Variants in XNDC1N observed in about 807,000 individuals in gnomAD.
The protein encoded by XNDC1N is protein XNDC1N.
the XNDC1N span, among the ~76,000 whole-genome samples, chr11:71,911,355 G>A: frequency 1.3e-5 from 2 of 152,200 alleles, no homozygotes; most frequent in African/African-American, 4.8e-5. Context: ...GCCCTGTCGA[G>A]CCTGATTGTG....
chr11:71,888,745 C>G, the XNDC1N span, among the ~76,000 whole-genome samples: 5 of 152,184 alleles, frequency 3.3e-5, no homozygotes, highest in Non-Finnish European at 4.4e-5. Flanking sequence ...CCCGTGCTGT[C>G]GTGACTTTAA....
the XNDC1N span, among the ~76,000 whole-genome samples, chr11:71,922,694 A>G: frequency 3.3e-5 from 5 of 152,202 alleles, no homozygotes; most frequent in African/African-American, 9.6e-5. Context: ...TCATCATGCA[A>G]ATAATATTGC....
chr11:71,919,929 C>CTTCTT, the XNDC1N span, among the ~76,000 whole-genome samples: 26 of 26,630 alleles, frequency 9.8e-4, no homozygotes, highest in East Asian at 2.5e-3. Context: ...AAGCAGGCCT[C>CTTCTT]TTTTTTTTTT....
At chr11:71,928,369 G>A in the XNDC1N span, 1 of 672,190 alleles carries the variant, frequency 1.5e-6, no homozygotes, top group Non-Finnish European at 2.7e-6. Context: ...CCTCACCCGG[G>A]ACCGTGGACC....
the XNDC1N span, among the ~76,000 whole-genome samples, chr11:71,889,889 C>A: frequency 2.0e-5 from 3 of 152,146 alleles, no homozygotes; most frequent in African/African-American, 7.2e-5. Flanking sequence ...ACAGAGAAAT[C>A]TCGTGAAGTA....
chr11:71,909,863 C>T, the XNDC1N span, among the ~76,000 whole-genome samples: 1 of 152,150 alleles, frequency 6.6e-6, no homozygotes, highest in African/African-American at 2.4e-5. Context: ...GAGCATGGCT[C>T]TTTGCTGGTA....
At chr11:71,908,070 C>G in the XNDC1N span, among the ~76,000 whole-genome samples, 1 of 152,162 alleles carries the variant, frequency 6.6e-6, no homozygotes, top group Non-Finnish European at 1.5e-5. Context: ...ATCATGCTCT[C>G]TCCCTCCCTG....
chr11:71,922,798 G>T, the XNDC1N span, among the ~76,000 whole-genome samples: 2 of 152,120 alleles, frequency 1.3e-5, no homozygotes, highest in Non-Finnish European at 2.9e-5. Context: ...GGAGTAAATA[G>T]AGCAGTGACA....
chr11:71,868,008 C>G, the XNDC1N span, among the ~76,000 whole-genome samples: 1 of 152,212 alleles, frequency 6.6e-6, no homozygotes, highest in Admixed American at 6.5e-5. Context: ...GCTAAGTCTT[C>G]TTGTTGAATT....
chr11:71,873,156 G>GT, the XNDC1N span, among the ~76,000 whole-genome samples: 3 of 104,630 alleles, frequency 2.9e-5, no homozygotes, highest in Non-Finnish European at 4.9e-5. Context: ...TTTTGTTTCA[G>GT]TTTTTTTCTA....
At chr11:71,909,218 G>A in the XNDC1N span, among the ~76,000 whole-genome samples, 1 of 151,978 alleles carries the variant, frequency 6.6e-6, no homozygotes, top group Non-Finnish European at 1.5e-5. Context: ...TAGCTAGCCA[G>A]GTGTTTGTAA....
At chr11:71,894,163 G>T in the XNDC1N span, 1 of 678,436 alleles carries the variant, frequency 1.5e-6, no homozygotes, top group South Asian at 1.9e-5. Context: ...TTCATCGTCA[G>T]ATGGGAAGTA....
chr11:71,919,915 C>A, the XNDC1N span, among the ~76,000 whole-genome samples: 1 of 132,900 alleles, frequency 7.5e-6, no homozygotes, highest in Non-Finnish European at 1.6e-5. Context: ...CCGCGCCCAG[C>A]CAAAAGCAGG....
At chr11:71,883,404 T>C in the XNDC1N span, among the ~76,000 whole-genome samples, 1 of 152,152 alleles carries the variant, frequency 6.6e-6, no homozygotes, top group Non-Finnish European at 1.5e-5. Context: ...TATAGGCCAC[T>C]GGAAGAGAAT....
the XNDC1N span, among the ~76,000 whole-genome samples, chr11:71,915,448 CAA>C: frequency 1.8e-5 from 2 of 110,400 alleles, no homozygotes. Context: ...ACTCTGTCCC[CAA>C]AAAAAAAAAG....
the XNDC1N span, chr11:71,928,095 AAGG>A: frequency 4.1e-6 from 1 of 243,882 alleles, no homozygotes; most frequent in East Asian, 1.1e-4. Context: ...GGTGTATAAA[AAGG>A]AGGGTAAGGC....
At chr11:71,913,241 A>G in the XNDC1N span, among the ~76,000 whole-genome samples, 3 of 152,040 alleles carry the variant, frequency 2.0e-5, no homozygotes, top group African/African-American at 7.3e-5. Flanking sequence ...AGAGTATCAC[A>G]GGGGTGTGGA....
the XNDC1N span, among the ~76,000 whole-genome samples, chr11:71,871,512 G>T: frequency 6.6e-6 from 1 of 152,104 alleles, no homozygotes; most frequent in East Asian, 1.9e-4. Flanking sequence ...ATTGCCAAAA[G>T]AATACATTTC....
the XNDC1N span, among the ~76,000 whole-genome samples, chr11:71,894,926 C>T: frequency 6.6e-6 from 1 of 152,194 alleles, no homozygotes; most frequent in Non-Finnish European, 1.5e-5. Flanking sequence ...TATCCTCTTC[C>T]ACAGTTCATG....
Sources: gnomAD v4.1 joint callset for allele counts (sites outside exome capture counted in the v4.1 genomes callset) on GRCh38, gnomAD v4.1.1 for gene constraint, MANE v1.5 for transcripts, NCBI Gene and HGNC (gene_info 2026-07-23, HGNC 2026-07-21) for gene names.